CMYA5: variants seen among roughly 807,000 people sequenced by gnomAD.
CMYA5 encodes cardiomyopathy associated 5.
In CMYA5, 246 loss-of-function variants were observed where a neutral mutation model predicts 318.9. The ratio of observed to expected loss-of-function variants is 0.77; its 90% CI spans 0.70 to 0.86. The LOEUF (loss-of-function observed/expected upper bound fraction) is 0.86, where lower values mean the gene tolerates loss of function less well. Among genes scored for constraint, CMYA5 ranks in the 40% least tolerant of loss-of-function variants. The pLI is 0.00. For synonymous variants in CMYA5, 1,641 were observed against 1,729.5 expected, an observed-to-expected ratio of 0.95 and a Z score of 1.27; for missense variants, 4,589 against 4,678.2, an observed-to-expected ratio of 0.98 and a Z score of 0.56.
At chr5:79,693,832 A>G (rs1188566105) in intron 1 of CMYA5, among the ~76,000 whole-genome samples, 1 of 152,206 alleles carries the variant, frequency 6.6e-6, no homozygotes, top group Admixed American at 6.5e-5. Context: ...AACTCACTCC[A>G]GTTTGGGGAG....
chr5:79,727,266 C>T (rs1160093074), intron 1 of CMYA5, among the ~76,000 whole-genome samples: 1 of 152,104 alleles, frequency 6.6e-6, no homozygotes, highest in African/African-American at 2.4e-5. Context: ...CTTTTAAAAT[C>T]TAAAAACATA....
rs763343832 is a variant in CMYA5, at chr5:79,735,183, G to T, written c.6418G>T (p.Ala2140Ser). 3.7e-6 allele frequency: 6 copies of T among 1,613,692 alleles called. No homozygotes were observed. Among genetic ancestry groups the T allele is most frequent in the Non-Finnish European group, 5.1e-6 (6 of 1,179,768 alleles). The change falls in exon 2 of 13, where the codon GCA (alanine) becomes TCA (serine). Residue 2140 changes from alanine to serine, a missense_variant. By Grantham distance (99) the Ala-to-Ser change is moderately conservative. Transcript: ENST00000446378. ...AAGAAAACCCATCTCCTCAATCCAT[G>T]CAAGAGAGCCTCAATCCCCAGAGTC... ...TQRKPISSIH[A>S]REPQSPESPE...
intron 9 of CMYA5, among the ~76,000 whole-genome samples, chr5:79,786,464 C>T (rs1389201228): frequency 6.6e-6 from 1 of 152,180 alleles, no homozygotes; most frequent in Non-Finnish European, 1.5e-5. Context: ...AATCCCTAAG[C>T]ACCAACTAAG....
At chr5:79,788,927 A>G (rs771197507) in intron 9 of CMYA5, 44 bp from the exon 10 acceptor site, 2 of 1,569,242 alleles carry the variant, frequency 1.3e-6, no homozygotes, top group Non-Finnish European at 8.7e-7. Flanking sequence ...ATCATTTAGC[A>G]TGTGGCATTA....
At position 79,733,412 on chromosome 5, in the gene CMYA5, T is replaced by C. The variant is rs1186985109; in HGVS notation, c.4647T>C (p.Asn1549=). ...AAACTGAACTTCCTTCATCACAAAATGTGTCACCTGCATCCAAACATATAA... is the reference window on the plus strand; with the variant it reads ...AAACTGAACTTCCTTCATCACAAAACGTGTCACCTGCATCCAAACATATAA... ...KKETELPSSQ[N]VSPASKHIIP... Residue 1549 remains asparagine (N), a synonymous_variant, in exon 2 of 13, where the codon AAT becomes AAC. Transcript: ENST00000446378. 6.2e-7 allele frequency: 1 copy of C among 1,613,704 alleles called. No homozygotes were observed. Among genetic ancestry groups the C allele is most frequent in the Non-Finnish European group, 8.5e-7 (1 of 1,179,812 alleles).
intron 1 of CMYA5, 87 bp downstream of exon 1, chr5:79,690,143 G>C: frequency 7.3e-7 from 1 of 1,366,376 alleles, no homozygotes; most frequent in Non-Finnish European, 9.4e-7. Flanking sequence ...TAAGCTCTGG[G>C]GTTCGTTTGC....
intron 1 of CMYA5, among the ~76,000 whole-genome samples, chr5:79,704,339 A>G (rs561813461): frequency 1.1e-4 from 17 of 152,186 alleles, no homozygotes; most frequent in Non-Finnish European, 2.2e-4. Context: ...ATGCTGTATC[A>G]CACTCAAGTG....
intron 1 of CMYA5, among the ~76,000 whole-genome samples, chr5:79,698,908 A>G (rs529323293): frequency 6.6e-6 from 1 of 152,320 alleles, no homozygotes; most frequent in Admixed American, 6.5e-5. Context: ...CTGTAATCCC[A>G]GCACTTTGGG....
At chr5:79,700,721 C>T (rs1016829171) in intron 1 of CMYA5, among the ~76,000 whole-genome samples, 2 of 152,050 alleles carry the variant, frequency 1.3e-5, no homozygotes, top group Non-Finnish European at 2.9e-5. Flanking sequence ...GAATATTATT[C>T]GGCTATAAAA....
At chr5:79,761,628 C>T (rs887393537) in intron 7 of CMYA5, among the ~76,000 whole-genome samples, 183 bp from the exon 8 acceptor site, 1 of 152,204 alleles carries the variant, frequency 6.6e-6, no homozygotes, top group Non-Finnish European at 1.5e-5. Flanking sequence ...TCCTAAGTAT[C>T]TCTTTTCAGA....
At chr5:79,747,914 C>T (rs547759999) in intron 5 of CMYA5, among the ~76,000 whole-genome samples, 1 of 152,104 alleles carries the variant, frequency 6.6e-6, no homozygotes, top group African/African-American at 2.4e-5. Context: ...AATTGTGATA[C>T]AGCATAGAGT....
intron 12 of CMYA5, among the ~76,000 whole-genome samples, chr5:79,795,801 G>A (rs1167412505): frequency 6.6e-6 from 1 of 152,154 alleles, no homozygotes; most frequent in Non-Finnish European, 1.5e-5. Flanking sequence ...ACTCAAGGGA[G>A]TAAGGGTCCT....
rs1392164627 is a variant in CMYA5 at position 79,735,264 on chromosome 5, C to T, written c.6499C>T (p.Pro2167Ser). Residue 2167 changes from proline (P) to serine (S), a missense_variant, in exon 2 of 13, where the codon CCT becomes TCT. Physicochemically the swap from Pro to Ser is moderately conservative, Grantham distance 74. Transcript: ENST00000446378. Reference sequence around the variant, plus strand: ...ACCAAAGGTGGCTAAGCCGGACCTTCCTGAGGAAAAGGGAAAGAAAGGAAT... The same window carrying T: ...ACCAAAGGTGGCTAAGCCGGACCTTTCTGAGGAAAAGGGAAAGAAAGGAAT... The part of the protein sequence containing the change: ...TQPKVAKPDL[P>S]EEKGKKGISS... The T allele has an allele frequency of 6.2e-7, 1 of 1,613,860 alleles. No individual in the cohort carries two copies. Among genetic ancestry groups the T allele is most frequent in the East Asian group, 2.2e-5 (1 of 44,882 alleles).
intron 1 of CMYA5, among the ~76,000 whole-genome samples, chr5:79,714,259 G>A (rs1827469490): frequency 6.6e-6 from 1 of 151,734 alleles, no homozygotes; most frequent in Admixed American, 6.6e-5. Context: ...CTGCATCCTG[G>A]TTTTCCTGGA....
chr5:79,772,507 T>G (rs757061243), intron 9 of CMYA5, among the ~76,000 whole-genome samples: 7 of 152,210 alleles, frequency 4.6e-5, no homozygotes, highest in Non-Finnish European at 7.3e-5. Flanking sequence ...GGATCCCTGC[T>G]GAGTCTGACA....
rs759134341 is a variant in CMYA5, at chr5:79,730,020, G to A, written c.1255G>A (p.Ala419Thr). The change falls in exon 2 of 13, where the codon GCT becomes ACT. Residue 419 changes from alanine to threonine, a missense_variant. By Grantham distance (58) the Ala-to-Thr change is moderately conservative. Coordinates refer to ENST00000446378, the MANE Select transcript of CMYA5 (RefSeq NM_153610.5). ...TGACTCTTCAGTCTCACCATCATTTGCTAATGAGGTAAAGAAGGAAGATGT... is the reference window on the plus strand; with the variant it reads ...TGACTCTTCAGTCTCACCATCATTTACTAATGAGGTAAAGAAGGAAGATGT... ...ENDSSVSPSF[A>T]NEVKKEDVYS... 1.2e-6 allele frequency: 2 copies of A among 1,613,890 alleles called. No individual in the cohort carries two copies. The highest frequency in any genetic ancestry group is 4.5e-5 in the East Asian group (2 of 44,896).
rs765960263 is a variant in CMYA5 at position 79,737,981 on chromosome 5, T to G, written c.9216T>G (p.Ala3072=). 8.1e-6 allele frequency: 13 copies of G among 1,613,348 alleles called. No homozygotes were observed. Among genetic ancestry groups the G allele is most frequent in the Non-Finnish European group, 1.1e-5 (13 of 1,179,630 alleles). ...NISPDPEKQK[A]PQKLNVEEKL... The stretch of plus-strand genomic sequence containing the variant: ...CCCCAGACCCAGAAAAACAGAAAGC[T>G]CCACAGAAATTAAATGTTGAAGAGA... Residue 3072 remains alanine (A), a synonymous_variant, in exon 2 of 13, where the codon GCT becomes GCG. Transcript: ENST00000446378.
intron 1 of CMYA5, among the ~76,000 whole-genome samples, chr5:79,696,011 C>T (rs539735390): frequency 3.3e-5 from 5 of 152,236 alleles, no homozygotes; most frequent in Admixed American, 2.0e-4. Flanking sequence ...GTGAATGGTG[C>T]GAATAAATAA....
intron 1 of CMYA5, among the ~76,000 whole-genome samples, chr5:79,716,726 C>A (rs1288290506): frequency 6.6e-6 from 1 of 152,108 alleles, no homozygotes; most frequent in Non-Finnish European, 1.5e-5. Flanking sequence ...TGGGAGAACA[C>A]TGATTGTGTC....
Sources: allele counts gnomAD v4.1 joint callset (sites outside exome capture counted in the v4.1 genomes callset), GRCh38; gene constraint gnomAD v4.1.1; transcripts MANE v1.5; gene names NCBI Gene and HGNC (gene_info 2026-07-23, HGNC 2026-07-21).